FHIP1A: variants seen among roughly 807,000 people sequenced by gnomAD.
FHIP1A encodes FHF complex subunit HOOK-interacting protein 1A.
FHIP1A carries 61 observed loss-of-function variants against 88.6 expected under a neutral mutation model. The observed-to-expected ratio is 0.69, with a 90% CI of 0.56 to 0.85. The LOEUF (loss-of-function observed/expected upper bound fraction) is 0.85, where lower values mean the gene tolerates loss of function less well. FHIP1A is among the 40% of genes least tolerant of loss of function. FHIP1A has a pLI of 0.00. For synonymous variants in FHIP1A, 478 were observed against 496.0 expected (o/e 0.96, Z 0.48); for missense variants, 1,154 against 1,273.5 (o/e 0.91, Z 1.43).
chr4:151,670,443 A>C lies in FHIP1A; in HGVS notation c.*7689A>C, dbSNP rs527481048. On this transcript the variant is annotated 3_prime_UTR_variant, in exon 14 of 14. Coordinates refer to ENST00000435205, the MANE Select transcript of FHIP1A (RefSeq NM_001109977.3). ...TCAGCTGCACAATCTTTGAAGTGTA[A>C]GTTAATTTTTATGTGATATTTCAGT... 6.6e-6 allele frequency: 1 copy of C among 152,184 alleles called. No homozygotes were observed. Among genetic ancestry groups the C allele is most frequent in the African/African-American group, 2.4e-5 (1 of 41,520 alleles). The allele number at this position is 152,184 out of a possible 1,614,324, so 9.4% of individuals were successfully genotyped here. A position where few individuals can be genotyped will look rare whatever the true frequency, so the allele number is the denominator to read the frequency against.
At chr4:151,579,715 C>CA (rs1733950707) in intron 5 of FHIP1A, among the ~76,000 whole-genome samples, 1 of 152,114 alleles carries the variant, frequency 6.6e-6, no homozygotes, top group Non-Finnish European at 1.5e-5. Flanking sequence ...GAAAGCTCTA[C>CA]AGCTTGTAGA....
intron 7 of FHIP1A, among the ~76,000 whole-genome samples, chr4:151,591,083 T>G (rs1019275822): frequency 1.3e-5 from 2 of 151,688 alleles, no homozygotes; most frequent in Non-Finnish European, 2.9e-5. Context: ...GTCTGTTTTT[T>G]GTTGGTTTGC....
At chr4:151,602,808 A>G (rs1272624159) in intron 7 of FHIP1A, among the ~76,000 whole-genome samples, 1 of 152,170 alleles carries the variant, frequency 6.6e-6, no homozygotes, top group African/African-American at 2.4e-5. Flanking sequence ...GATGAACAGA[A>G]GAAAACAGGC....
intron 3 of FHIP1A, among the ~76,000 whole-genome samples, chr4:151,510,710 C>T (rs1730999444): frequency 6.6e-6 from 1 of 152,118 alleles, no homozygotes; most frequent in Non-Finnish European, 1.5e-5. Flanking sequence ...TATCTTCTCA[C>T]TTTTACATTT....
chr4:151,586,751 T>A lies in FHIP1A; in HGVS notation c.843T>A (p.Ser281=), dbSNP rs1041450090. ...AAGATGACTGGCTTCTACTTCCTTCTCTTGTCCAGTTCATGAACTCCCTGG... is the reference window on the plus strand; with the variant it reads ...AAGATGACTGGCTTCTACTTCCTTCACTTGTCCAGTTCATGAACTCCCTGG... ...LLKDDWLLLP[S]LVQFMNSLEF... is the part of the protein sequence containing the mutation. The change falls in exon 6 of 14, where the codon TCT becomes TCA. Residue 281 remains serine (S), a synonymous_variant. Transcript: ENST00000435205. 3 of 1,551,370 alleles carry A rather than the reference T, an allele frequency of 1.9e-6. No homozygotes were observed. The highest frequency in any genetic ancestry group is 2.6e-6 in the Non-Finnish European group (3 of 1,146,724).
intron 2 of FHIP1A, among the ~76,000 whole-genome samples, chr4:151,471,717 C>G (rs1184910884): frequency 6.6e-6 from 1 of 152,002 alleles, no homozygotes; most frequent in Non-Finnish European, 1.5e-5. Flanking sequence ...CACCCATCAC[C>G]TGAACAGTAT....
intron 2 of FHIP1A, among the ~76,000 whole-genome samples, chr4:151,478,678 C>G (rs145127874): frequency 6.6e-6 from 1 of 151,984 alleles, no homozygotes; most frequent in Admixed American, 6.6e-5. Flanking sequence ...CTTCTTAGAG[C>G]CTTAATATAC....
intron 8 of FHIP1A, among the ~76,000 whole-genome samples, chr4:151,634,423 A>G (rs1237434069): frequency 2.0e-5 from 3 of 151,866 alleles, no homozygotes; most frequent in South Asian, 2.1e-4. Context: ...CCCAAAATTT[A>G]TATGAAATCT....
chr4:151,658,940 T>C (rs1462928507), intron 13 of FHIP1A, among the ~76,000 whole-genome samples: 2 of 152,178 alleles, frequency 1.3e-5, no homozygotes, highest in Non-Finnish European at 2.9e-5. Context: ...GTGTACACAC[T>C]GACCAACCTA....
chr4:151,509,408 G>A (rs753850691), intron 3 of FHIP1A, among the ~76,000 whole-genome samples: 7 of 151,950 alleles, frequency 4.6e-5, no homozygotes, highest in Non-Finnish European at 5.9e-5. Flanking sequence ...CTCGTGATCC[G>A]CCCGCCTCAG....
chr4:151,603,859 G>A (rs1560794268), intron 7 of FHIP1A, among the ~76,000 whole-genome samples: 2 of 152,078 alleles, frequency 1.3e-5, no homozygotes, highest in Admixed American at 6.5e-5. Context: ...GTGTCACTCT[G>A]GGTCTTCATC....
intron 7 of FHIP1A, among the ~76,000 whole-genome samples, chr4:151,620,301 C>T (rs935518353): frequency 6.6e-5 from 10 of 152,168 alleles, no homozygotes; most frequent in African/African-American, 2.4e-4. Context: ...AAGAGGCACC[C>T]TTCTCTAATT....
intron 3 of FHIP1A, among the ~76,000 whole-genome samples, chr4:151,498,838 A>G (rs938936362): frequency 1.3e-5 from 2 of 152,080 alleles, no homozygotes; most frequent in Admixed American, 6.5e-5. Flanking sequence ...AAATATATGA[A>G]ATATGGTTGA....
intron 1 of FHIP1A, among the ~76,000 whole-genome samples, chr4:151,438,337 C>T (rs1459828149): frequency 6.6e-6 from 1 of 152,118 alleles, no homozygotes; most frequent in Non-Finnish European, 1.5e-5. Context: ...GTTCGGGCAC[C>T]ATGGCCTTGG....
chr4:151,447,495 C>G (rs974250023), intron 1 of FHIP1A, among the ~76,000 whole-genome samples: 1 of 152,188 alleles, frequency 6.6e-6, no homozygotes, highest in Non-Finnish European at 1.5e-5. Context: ...CCTCGAATCA[C>G]CATACTTTTC....
rs894022529 is a variant in FHIP1A at position 151,650,008 on chromosome 4, T to A, written c.1967T>A (p.Met656Lys). Residue 656 changes from methionine to lysine, a missense_variant, in exon 11 of 14, where the codon ATG becomes AAG. Coordinates refer to ENST00000435205, the MANE Select transcript of FHIP1A (RefSeq NM_001109977.3). ...TGTGCTGAGAAGGACTCCGAGGACA[T>A]GAAGGATTCTCAGGAGGAAGCTGCT... is the stretch of plus-strand genomic sequence containing the variant. ...RLCAEKDSED[M>K]KDSQEEAARP... is the part of the protein sequence containing the mutation. 6.7e-5 allele frequency: 104 copies of A among 1,551,490 alleles called. No individual in the cohort carries two copies. The highest frequency in any genetic ancestry group is 8.5e-5 in the Non-Finnish European group (98 of 1,146,986).
chr4:151,593,220 T>G (rs980942937), intron 7 of FHIP1A, among the ~76,000 whole-genome samples: 8 of 152,230 alleles, frequency 5.3e-5, no homozygotes, highest in Admixed American at 1.3e-4. Flanking sequence ...TTGTTCTTTT[T>G]GCTTAGGATT....
chr4:151,572,084 G>C (rs1204944207), intron 4 of FHIP1A, among the ~76,000 whole-genome samples: 2 of 152,220 alleles, frequency 1.3e-5, no homozygotes, highest in Non-Finnish European at 2.9e-5. Flanking sequence ...GCACATGCCT[G>C]TAATCCCAGC....
At chr4:151,532,778 C>A (rs558081961) in intron 3 of FHIP1A, among the ~76,000 whole-genome samples, 1 of 152,178 alleles carries the variant, frequency 6.6e-6, no homozygotes, top group South Asian at 2.1e-4. Flanking sequence ...GCTGGGGAGG[C>A]CTTAGAGTCA....
Sources: allele counts gnomAD v4.1 joint callset (sites outside exome capture counted in the v4.1 genomes callset), GRCh38; gene constraint gnomAD v4.1.1; transcripts MANE v1.5; gene names NCBI Gene and HGNC (gene_info 2026-07-23, HGNC 2026-07-21).